STXBP5: variants seen among roughly 807,000 people sequenced by gnomAD.
The protein encoded by STXBP5 is syntaxin binding protein 5.
In STXBP5, 50 loss-of-function variants were observed where a neutral mutation model predicts 152.4. The observed-to-expected ratio is 0.33, with a 90% CI of 0.26 to 0.42. The LOEUF (loss-of-function observed/expected upper bound fraction) is 0.42, where lower values mean the gene tolerates loss of function less well. Ranked by LOEUF, STXBP5 falls within the 10% of genes least tolerant of loss-of-function variation. STXBP5 has a pLI of 1.00. For missense variants in STXBP5, 1,167 were observed against 1,388.6 expected (o/e 0.84, Z 2.54); for synonymous variants, 492 against 494.7 (o/e 0.99, Z 0.07).
intron 21 of STXBP5, among the ~76,000 whole-genome samples, chr6:147,346,861 T>C (rs1200413546): frequency 6.6e-6 from 1 of 152,158 alleles, no homozygotes; most frequent in African/African-American, 2.4e-5. Flanking sequence ...TTCCAGGCAT[T>C]GAACAGCAGG....
chr6:147,291,731 T>TAAG (rs1781286230), intron 9 of STXBP5, among the ~76,000 whole-genome samples: 1 of 152,194 alleles, frequency 6.6e-6, no homozygotes, highest in South Asian at 2.1e-4. Context: ...TGTCAAATGT[T>TAAG]AGATTAAAAA....
At chr6:147,378,202 TAG>T (rs376138010) in intron 26 of STXBP5, among the ~76,000 whole-genome samples, 62 of 151,996 alleles carry the variant, frequency 4.1e-4, no homozygotes, top group African/African-American at 1.3e-3. Flanking sequence ...TAGGAAACAA[TAG>T]GTACACTCAT....
chr6:147,277,041 T>C (rs1040962306), intron 7 of STXBP5, among the ~76,000 whole-genome samples: 8 of 152,074 alleles, frequency 5.3e-5, no homozygotes, highest in Admixed American at 2.0e-4. Context: ...TATGATGAGT[T>C]TATCAGGGTA....
intron 19 of STXBP5, among the ~76,000 whole-genome samples, chr6:147,337,479 TTTAG>T (rs1582964207): frequency 1.3e-5 from 2 of 152,138 alleles, no homozygotes; most frequent in East Asian, 3.9e-4. Context: ...AGTAAGTATT[TTTAG>T]TTAGAAGAAA....
intron 8 of STXBP5, among the ~76,000 whole-genome samples, chr6:147,278,707 C>G (rs896284660): frequency 6.6e-6 from 1 of 152,086 alleles, no homozygotes; most frequent in Non-Finnish European, 1.5e-5. Flanking sequence ...TAGTCATATT[C>G]ATTGCTGTGA....
At chr6:147,322,195 G>A (rs181368377) in intron 16 of STXBP5, among the ~76,000 whole-genome samples, 110 of 152,280 alleles carry the variant, frequency 7.2e-4, no homozygotes, top group African/African-American at 2.5e-3. Flanking sequence ...GTAGAAGATA[G>A]ACCACTCAGA....
At chr6:147,288,240 C>T (rs1147846) in intron 8 of STXBP5, among the ~76,000 whole-genome samples, 75,645 of 151,908 alleles carry the variant, frequency 0.5, 19,113 homozygotes, top group East Asian at 0.72. Flanking sequence ...TCAAATGAGA[C>T]AGCCACAGCA....
At chr6:147,313,803 TTTTA>T (rs1218792599) in intron 11 of STXBP5, 77 bp from the exon 12 acceptor site, 11 of 944,222 alleles carry the variant, frequency 1.2e-5, no homozygotes, top group Non-Finnish European at 1.6e-5. Flanking sequence ...AATGTATGTT[TTTTA>T]AAGTTTTTAT....
chr6:147,321,098 C>CTATA (rs1301536425), intron 16 of STXBP5, among the ~76,000 whole-genome samples: 2 of 152,036 alleles, frequency 1.3e-5, no homozygotes, highest in Non-Finnish European at 2.9e-5. Context: ...TGTCTAAAAT[C>CTATA]TATATATTAG....
intron 21 of STXBP5, among the ~76,000 whole-genome samples, chr6:147,346,352 C>A (rs944756356): frequency 4.6e-5 from 7 of 152,114 alleles, no homozygotes; most frequent in Non-Finnish European, 1.5e-5. Context: ...AGAGGTTCTC[C>A]AGAGATGGGT....
chr6:147,332,523 G>A (rs189594993), intron 18 of STXBP5, among the ~76,000 whole-genome samples: 2 of 152,298 alleles, frequency 1.3e-5, no homozygotes, highest in African/African-American at 4.8e-5. Flanking sequence ...AAGAGAACAA[G>A]CACAATTTGC....
chr6:147,289,156 G>A (rs7747103), intron 8 of STXBP5, among the ~76,000 whole-genome samples: 316 of 152,268 alleles, frequency 2.1e-3, no homozygotes, highest in African/African-American at 7.1e-3. Context: ...CCCTGGCGCC[G>A]GCTGCCAATA....
intron 21 of STXBP5, among the ~76,000 whole-genome samples, chr6:147,353,015 A>G (rs1025460209): frequency 2.6e-5 from 4 of 151,970 alleles, no homozygotes; most frequent in African/African-American, 7.3e-5. Flanking sequence ...CAGTGGTTAC[A>G]TGCCTGTAGT....
chr6:147,355,401 T>C (rs903217927), intron 22 of STXBP5, among the ~76,000 whole-genome samples: 10 of 152,176 alleles, frequency 6.6e-5, no homozygotes, highest in Non-Finnish European at 8.8e-5. Flanking sequence ...AGTGATTTTA[T>C]GGCATGATTG....
At chr6:147,362,709 T>C (rs1385388830) in intron 23 of STXBP5, among the ~76,000 whole-genome samples, 2 of 152,212 alleles carry the variant, frequency 1.3e-5, no homozygotes, top group African/African-American at 4.8e-5. Flanking sequence ...AGCAGTCACA[T>C]TAAAAAAGTA....
chr6:147,372,406 CCTTTTTT>C (rs1785589536), intron 25 of STXBP5, among the ~76,000 whole-genome samples: 2 of 39,108 alleles, frequency 5.1e-5, no homozygotes, highest in African/African-American at 1.7e-4. Context: ...CCGTCCTTTT[CCTTTTTT>C]TTTTTTTTTT....
intron 16 of STXBP5, among the ~76,000 whole-genome samples, chr6:147,316,773 A>C (rs1782666552): frequency 8.4e-6 from 1 of 118,678 alleles, no homozygotes; most frequent in Admixed American, 8.6e-5. Flanking sequence ...ATTCTGTTTA[A>C]GTCTTTTAAG....
At position 147,205,388 on chromosome 6, in the gene STXBP5, A is replaced by G. The variant is rs756133442; in HGVS notation, c.151-583A>G. 8.1e-3 allele frequency among the ~76,000 whole-genome samples: 1,217 copies of G among 150,626 alleles called. 8 individuals carry two copies. Among genetic ancestry groups the G allele is most frequent in the Admixed American group, 0.013 (200 of 15,102 alleles). ...AAAGTGTGCATATATATATATATAT[A>G]TATATATATAGGTCTAATGCCCTAA... On this transcript the variant is annotated intron_variant, in intron 1 of 27. Transcript: ENST00000321680.
At chr6:147,222,350 T>A (rs1447921085) in intron 2 of STXBP5, among the ~76,000 whole-genome samples, 1 of 152,182 alleles carries the variant, frequency 6.6e-6, no homozygotes, top group Non-Finnish European at 1.5e-5. Context: ...TAAAAGGAAC[T>A]GCTGCAAATA....
Sources: allele counts gnomAD v4.1 joint callset (sites outside exome capture counted in the v4.1 genomes callset), GRCh38; gene constraint gnomAD v4.1.1; transcripts MANE v1.5; gene names NCBI Gene and HGNC (gene_info 2026-07-23, HGNC 2026-07-21).